Variants in ZNF280C observed in about 807,000 individuals in gnomAD.
ZNF280C encodes the protein zinc finger protein 280C.
ZNF280C carries 14 observed loss-of-function variants against 53.6 expected under a neutral mutation model. The ratio of observed to expected loss-of-function variants is 0.26; its 90% CI spans 0.17 to 0.41. ZNF280C has a LOEUF of 0.41. Among genes scored for constraint, ZNF280C ranks in the 10% least tolerant of loss-of-function variants. The pLI is 1.00. For synonymous variants in ZNF280C, 203 were observed against 181.1 expected (o/e 1.12, Z -0.97); for missense variants, 416 against 547.1 (o/e 0.76, Z 2.39).
At chrX:130,228,852 T>C (rs1213846626) in intron 10 of ZNF280C, 125 bp downstream of exon 10, 1 of 659,440 alleles carries the variant, frequency 1.5e-6, no homozygotes, top group East Asian at 3.4e-5. Context: ...ATTTTTTTTT[T>C]CAATTTTGCC....
chrX:130,216,184 C>G, intron 13 of ZNF280C, 83 bp from the exon 14 acceptor site: 1 of 886,152 alleles, frequency 1.1e-6, no homozygotes, highest in Non-Finnish European at 1.6e-6. Context: ...CCGTAAATAT[C>G]ACATTTACGG....
At chrX:130,232,978 G>C (rs1327251853) in intron 8 of ZNF280C, among the ~76,000 whole-genome samples, 1 of 110,403 alleles carries the variant, frequency 9.1e-6, no homozygotes, top group East Asian at 2.8e-4. Flanking sequence ...AGGAGGATGT[G>C]GTATATATAT....
intron 2 of ZNF280C, among the ~76,000 whole-genome samples, chrX:130,254,771 G>A (rs763624526): frequency 1.5e-3 from 163 of 110,835 alleles, no homozygotes; most frequent in Non-Finnish European, 2.8e-3. Context: ...GGTGGAGGGT[G>A]GGAGGAGGGA....
chrX:130,266,993 T>C (rs209212), intron 1 of ZNF280C, among the ~76,000 whole-genome samples: 55,741 of 108,410 alleles, frequency 0.51, 11,408 homozygotes, highest in African/African-American at 0.76. Flanking sequence ...CCCAGCTGCT[T>C]AGGAGGCTGA....
chrX:130,220,391 A>G lies in ZNF280C; in HGVS notation c.1485T>C (p.Phe495=), dbSNP rs140096303. ...ATCCTTCTAGTTCTTTAGGCTTTAT[A>G]AATGTACGATGCTGCGCCTTATGTT... is the stretch of plus-strand genomic sequence containing the variant. The part of the protein sequence containing the change: ...KAEHKAQHRT[F]IKPKELEGLP... Residue 495 remains phenylalanine, a synonymous_variant, in exon 13 of 19, where the codon TTT becomes TTC. Transcript: ENST00000370978. The G allele has an allele frequency of 6.7e-6, 8 of 1,190,636 alleles. No homozygotes were observed. Among genetic ancestry groups the G allele is most frequent in the Non-Finnish European group, 9.0e-6 (8 of 886,722 alleles).
At chrX:130,257,935 C>T (rs186703440) in intron 2 of ZNF280C, among the ~76,000 whole-genome samples, 269 of 111,234 alleles carry the variant, frequency 2.4e-3, no homozygotes, top group African/African-American at 8.2e-3. Flanking sequence ...ATGGTGAAAT[C>T]TCGTCTCTAC....
Position 130,209,711 on chromosome X carries a change from G to A in ZNF280C, c.1984C>T (p.His662Tyr). The A allele has an allele frequency of 2.5e-6, 3 of 1,199,456 alleles. No individual in the cohort carries two copies. The highest frequency in any genetic ancestry group is 3.4e-6 in the Non-Finnish European group (3 of 887,776). The stretch of plus-strand genomic sequence containing the variant: ...AACCGTTTACCTGGATGGTTGCTAT[G>A]AGAGCTGGAGAAACACGAGACAAAC... ...KAFVNHMMSS[H>Y]SNHPGKRFCI... Residue 662 changes from histidine (H) to tyrosine (Y), a missense_variant, in exon 16 of 19, where the codon CAT becomes TAT. His to Tyr is a moderately conservative substitution (Grantham distance 83, BLOSUM62 2). Coordinates refer to ENST00000370978, the MANE Select transcript of ZNF280C (RefSeq NM_017666.5).
rs188003057 is a variant in ZNF280C, at chrX:130,260,473, C to G, written c.-16-8G>C. 2.6e-6 allele frequency: 3 copies of G among 1,174,729 alleles called. No individual in the cohort carries two copies. In the East Asian group the frequency reaches 9.2e-5, roughly 36 times the overall value. ...ATGAAGTTGCAAGGTCACCTAAGTA[C>G]GAACACATGACATCAATCAATGTTA... is the stretch of plus-strand genomic sequence containing the variant. On this transcript the variant is annotated splice_region_variant and splice_polypyrimidine_tract_variant and intron_variant, in intron 1 of 18. Coordinates refer to ENST00000370978, the MANE Select transcript of ZNF280C (RefSeq NM_017666.5).
chrX:130,236,458 T>C lies in ZNF280C; in HGVS notation c.664+11A>G. The C allele has an allele frequency of 8.5e-7, 1 of 1,175,595 alleles. No individual in the cohort carries two copies. The highest frequency in any genetic ancestry group is 1.8e-5 in the African/African-American group (1 of 55,965). On this transcript the variant is annotated intron_variant, in intron 7 of 18. Coordinates refer to ENST00000370978, the MANE Select transcript of ZNF280C (RefSeq NM_017666.5). ...TACTATTTTTTTTTACATGTCAGATTTCATGTTTACCTTTTGACAGCATAA... is the reference window on the plus strand; with the variant it reads ...TACTATTTTTTTTTACATGTCAGATCTCATGTTTACCTTTTGACAGCATAA...
chrX:130,210,665 AG>A (rs1569431313), intron 15 of ZNF280C, among the ~76,000 whole-genome samples: 1 of 112,599 alleles, frequency 8.9e-6, no homozygotes, highest in Non-Finnish European at 1.9e-5. Flanking sequence ...GAGCAAATTA[AG>A]GAGCAGAGCT....
rs183167830 is a variant in ZNF280C at position 130,215,877 on chromosome X, T to A, written c.1752A>T (p.Ile584=). 1.7e-6 allele frequency: 2 copies of A among 1,209,688 alleles called. No homozygotes were observed. The highest frequency in any genetic ancestry group is 5.9e-5 in the East Asian group (2 of 33,781). The part of the protein sequence containing the change: ...KVNTSKPRGR[I]AKSKAKPSYK... ...AAGAGGGTTTTGCTTTGGACTTAGC[T>A]ATACGTCCCCTTGGCTTACTTGTAT... Residue 584 remains isoleucine (I), a synonymous_variant, in exon 14 of 19, where the codon ATA becomes ATT. Transcript: ENST00000370978.
Position 130,227,663 on chromosome X carries a change from CAATAA to C in ZNF280C, c.1248+14_1248+18del. 2 of 1,076,282 alleles carry C rather than the reference CAATAA, an allele frequency of 1.9e-6. No homozygotes were observed. The highest frequency in any genetic ancestry group is 2.6e-6 in the Non-Finnish European group (2 of 773,734). 88.7% of individuals were successfully genotyped at this position (1,076,282 alleles called of 1,213,427 possible). ...AAAATTAAACAAACACTTAACTACACAATAAAATGTGTGTGTACCTGGCAAACATA... is the reference window on the plus strand; with the variant it reads ...AAAATTAAACAAACACTTAACTACACAATGTGTGTGTACCTGGCAAACATA... On this transcript the variant is annotated intron_variant, in intron 11 of 18. Coordinates refer to ENST00000370978, the MANE Select transcript of ZNF280C (RefSeq NM_017666.5).
chrX:130,249,967 A>G (rs1031348918), intron 2 of ZNF280C, among the ~76,000 whole-genome samples: 2 of 112,246 alleles, frequency 1.8e-5, no homozygotes, highest in Admixed American at 1.9e-4. Context: ...AAAAGAACGT[A>G]ACTGACCTGA....
At chrX:130,250,468 A>C (rs960729245) in intron 2 of ZNF280C, among the ~76,000 whole-genome samples, 7 of 112,311 alleles carry the variant, frequency 6.2e-5, no homozygotes, top group African/African-American at 2.3e-4. Flanking sequence ...GAACCCAGAA[A>C]AATACAAATA....
chrX:130,212,240 T>C (rs998418926), intron 15 of ZNF280C, among the ~76,000 whole-genome samples: 6 of 112,045 alleles, frequency 5.4e-5, no homozygotes, highest in African/African-American at 2.0e-4. Context: ...AAAAGTGGTT[T>C]GAATCCTAGT....
In ZNF280C at chrX:130,215,993, T is replaced by C; in HGVS notation, c.1636A>G (p.Asn546Asp). Residue 546 changes from asparagine to aspartate, a missense_variant, in exon 14 of 19, where the codon AAT (asparagine) becomes GAT (aspartate). By Grantham distance (23) the Asn-to-Asp change is conservative. Transcript: ENST00000370978. ...TTTCTAGGATTTCTAGCAGTTGTAT[T>C]TTGAGATGTCGGAGGTGTGACCTGA... is the stretch of plus-strand genomic sequence containing the variant. ...FLQVTPPTSQ[N>D]TTARNPRKSN... The C allele has an allele frequency of 3.3e-6, 4 of 1,211,308 alleles. No homozygotes were observed. The highest frequency in any genetic ancestry group is 4.5e-6 in the Non-Finnish European group (4 of 895,229).
Position 130,205,283 on chromosome X carries a change from T to G in ZNF280C, c.2161+14A>C, listed in dbSNP as rs2031960106. 1 of 1,159,745 alleles carries G rather than the reference T, an allele frequency of 8.6e-7. No individual in the cohort carries two copies. The highest frequency in any genetic ancestry group is 3.0e-5 in the East Asian group (1 of 33,462). On this transcript the variant is annotated intron_variant, in intron 17 of 18. Transcript: ENST00000370978. The stretch of plus-strand genomic sequence containing the variant: ...ATATCAGAAAATCAAAGAAACACAA[T>G]TATATATACGTACCATTCTCTATTA...
At position 130,236,500 on chromosome X, in the gene ZNF280C, TGGA is replaced by T. The variant is rs747040397; in HGVS notation, c.630_632del (p.Pro211del). ...ACAGCATAACTTGGGAGGATGTCACTGGAGGAGAGCCAATTAAAGGCAATGAAG... is the reference window on the plus strand; with the variant it reads ...ACAGCATAACTTGGGAGGATGTCACTGGAGAGCCAATTAAAGGCAATGAAG... On this transcript the variant is annotated inframe_deletion, in exon 7 of 19. Transcript: ENST00000370978. 13 of 1,203,907 alleles carry T rather than the reference TGGA, an allele frequency of 1.1e-5. No homozygotes were observed. The highest frequency in any genetic ancestry group is 4.6e-4 in the Middle Eastern group (2 of 4,352).
chrX:130,226,903 A>T lies in ZNF280C; in HGVS notation c.1251T>A (p.Val417=). 8.4e-7 allele frequency: 1 copy of T among 1,192,655 alleles called. No homozygotes were observed. The highest frequency in any genetic ancestry group is 1.1e-6 in the Non-Finnish European group (1 of 888,469). ...AAAATGTTGATGATCTAAACTGGCAAACCTAGAAATATAAAGAAGGCTTAG... is the reference window on the plus strand; with the variant it reads ...AAAATGTTGATGATCTAAACTGGCATACCTAGAAATATAAAGAAGGCTTAG... ...KPGEMPYVCQ[V]CQFRSSTFSD... is the part of the protein sequence containing the mutation. The change falls in exon 12 of 19, where the codon GTT becomes GTA. Residue 417 remains valine, a splice_region_variant and synonymous_variant. Transcript: ENST00000370978.
Sources: gnomAD v4.1 joint callset for allele counts (sites outside exome capture counted in the v4.1 genomes callset) on GRCh38, gnomAD v4.1.1 for gene constraint, MANE v1.5 for transcripts, NCBI Gene and HGNC (gene_info 2026-07-23, HGNC 2026-07-21) for gene names.